Variants in SLCO1B3 observed in about 807,000 individuals in gnomAD.
The protein encoded by SLCO1B3 is liver-specific organic anion transporter 2.
A neutral mutation model predicts 71.8 loss-of-function variants in SLCO1B3; 72 were observed. That is an observed-to-expected ratio of 1.00 (90% CI 0.83 to 1.22). The LOEUF is 1.22. SLCO1B3 is among the 50% of genes most tolerant of loss of function. SLCO1B3 has a pLI of 0.00. For missense variants in SLCO1B3, 911 were observed against 819.7 expected (o/e 1.11, Z -1.36); for synonymous variants, 298 against 278.4 (o/e 1.07, Z -0.70).
chr12:20,912,560 G>T (rs1307716062), intron 15 of SLCO1B3, among the ~76,000 whole-genome samples: 1 of 138,348 alleles, frequency 7.2e-6, no homozygotes, highest in South Asian at 2.2e-4. Flanking sequence ...TTTCACTGCT[G>T]TCGCCCAGGC....
At chr12:20,838,405 C>T (rs1864728537) in intron 3 of SLCO1B3, among the ~76,000 whole-genome samples, 1 of 151,978 alleles carries the variant, frequency 6.6e-6, no homozygotes, top group Non-Finnish European at 1.5e-5. Flanking sequence ...GATTTACTGT[C>T]ACCTTCTATC....
At chr12:20,866,022 C>T (rs117239853) in intron 8 of SLCO1B3, among the ~76,000 whole-genome samples, 2 of 152,018 alleles carry the variant, frequency 1.3e-5, no homozygotes, top group Admixed American at 6.6e-5. Flanking sequence ...TCATCACTCT[C>T]CAGTAAGTGA....
At chr12:20,827,805 T>G (rs1316106402) in intron 3 of SLCO1B3, among the ~76,000 whole-genome samples, 2 of 152,146 alleles carry the variant, frequency 1.3e-5, no homozygotes, top group African/African-American at 4.8e-5. Flanking sequence ...CCTGACCTCA[T>G]GATCCGCCCG....
chr12:20,859,497 C>A (rs1472900584), intron 5 of SLCO1B3, among the ~76,000 whole-genome samples: 1 of 143,054 alleles, frequency 7.0e-6, no homozygotes, highest in African/African-American at 2.5e-5. Flanking sequence ...TTTTCCCCCT[C>A]TACATTTGGC....
intron 7 of SLCO1B3, 85 bp downstream of exon 7, chr12:20,862,643 C>A: frequency 1.4e-6 from 2 of 1,455,536 alleles, no homozygotes; most frequent in Non-Finnish European, 1.9e-6. Context: ...TTTTCTTTTA[C>A]CTATTAGAAA....
chr12:20,905,346 C>T (rs974559946), intron 15 of SLCO1B3, among the ~76,000 whole-genome samples: 3 of 152,188 alleles, frequency 2.0e-5, no homozygotes, highest in Non-Finnish European at 4.4e-5. Flanking sequence ...TTTGGATCCT[C>T]TTTACTTATG....
intron 3 of SLCO1B3, among the ~76,000 whole-genome samples, chr12:20,832,947 A>C (rs1268907862): frequency 4.3e-5 from 5 of 115,036 alleles, no homozygotes; most frequent in African/African-American, 1.0e-4. Context: ...AACAAACAAA[A>C]AAAATTATCT....
At chr12:20,823,779 T>C (rs993628105) in intron 3 of SLCO1B3, among the ~76,000 whole-genome samples, 2 of 152,192 alleles carry the variant, frequency 1.3e-5, no homozygotes, top group African/African-American at 4.8e-5. Context: ...TTCTGAGGTC[T>C]TAAGAAAGCT....
intron 13 of SLCO1B3, among the ~76,000 whole-genome samples, chr12:20,893,147 A>C (rs1865935247): frequency 6.6e-6 from 1 of 152,082 alleles, no homozygotes; most frequent in South Asian, 2.1e-4. Context: ...AAAACTTAGG[A>C]GGTAGTTATG....
intron 9 of SLCO1B3, among the ~76,000 whole-genome samples, chr12:20,876,198 T>C (rs975094437): frequency 1.2e-4 from 19 of 152,144 alleles, no homozygotes; most frequent in African/African-American, 4.6e-4. Flanking sequence ...TTAGGATTCC[T>C]TACCACTTGA....
At chr12:20,848,994 C>A (rs1864968628) in intron 3 of SLCO1B3, among the ~76,000 whole-genome samples, 1 of 151,934 alleles carries the variant, frequency 6.6e-6, no homozygotes, top group Non-Finnish European at 1.5e-5. Flanking sequence ...CAAATTGGTT[C>A]ATCAGTGTAA....
intron 15 of SLCO1B3, among the ~76,000 whole-genome samples, chr12:20,911,940 C>A (rs1016308769): frequency 6.6e-6 from 1 of 152,096 alleles, no homozygotes. Context: ...CTGTGCCCTA[C>A]TTTTACTATT....
chr12:20,828,276 A>G (rs185424851), intron 3 of SLCO1B3, among the ~76,000 whole-genome samples: 1 of 148,622 alleles, frequency 6.7e-6, no homozygotes, highest in East Asian at 2.0e-4. Context: ...ACCCATGAAT[A>G]GCACCTGTTG....
chr12:20,896,463 C>A (rs960901468), intron 13 of SLCO1B3, among the ~76,000 whole-genome samples: 1 of 152,164 alleles, frequency 6.6e-6, no homozygotes, highest in East Asian at 1.9e-4. Context: ...AGGGCAGGGG[C>A]AAAATACTGC....
chr12:20,881,260 T>G (rs570181388), intron 12 of SLCO1B3, among the ~76,000 whole-genome samples: 1 of 152,256 alleles, frequency 6.6e-6, no homozygotes, highest in Non-Finnish European at 1.5e-5. Flanking sequence ...TTACCCACTT[T>G]TTTTCTTGAG....
At chr12:20,907,532 G>C (rs1327565987) in intron 15 of SLCO1B3, among the ~76,000 whole-genome samples, 1 of 109,734 alleles carries the variant, frequency 9.1e-6, no homozygotes, top group Non-Finnish European at 1.8e-5. Context: ...TTTTTGAGAC[G>C]CAGCCCCACT....
chr12:20,878,880 TATTA>T (rs1387753006), intron 10 of SLCO1B3, among the ~76,000 whole-genome samples: 2 of 136,716 alleles, frequency 1.5e-5, no homozygotes, highest in Non-Finnish European at 3.2e-5. Flanking sequence ...AATAAAGAGA[TATTA>T]ATTCAAGAAT....
chr12:20,846,619 G>A (rs1431152613), intron 3 of SLCO1B3, among the ~76,000 whole-genome samples: 1 of 152,088 alleles, frequency 6.6e-6, no homozygotes, highest in Non-Finnish European at 1.5e-5. Flanking sequence ...GAAGAACAGG[G>A]GATAACCAGA....
At chr12:20,823,184 T>C (rs1325395587) in intron 3 of SLCO1B3, among the ~76,000 whole-genome samples, 1 of 152,132 alleles carries the variant, frequency 6.6e-6, no homozygotes, top group African/African-American at 2.4e-5. Flanking sequence ...CATATGAAAA[T>C]GTTTCGTGTG....
Sources: gnomAD v4.1 joint callset for allele counts (sites outside exome capture counted in the v4.1 genomes callset) on GRCh38, gnomAD v4.1.1 for gene constraint, MANE v1.5 for transcripts, NCBI Gene and HGNC (gene_info 2026-07-23, HGNC 2026-07-21) for gene names.